CNOT6: variants seen among roughly 807,000 people sequenced by gnomAD.
CNOT6 encodes CCR4-NOT transcription complex subunit 6.
CNOT6 carries 12 observed loss-of-function variants against 61.2 expected under a neutral mutation model. That is an observed-to-expected ratio of 0.20 (90% CI 0.13 to 0.32). The LOEUF is 0.32. Ranked by LOEUF, CNOT6 falls within the 10% of genes least tolerant of loss-of-function variation. The pLI is 1.00. For missense variants in CNOT6, 405 were observed against 663.9 expected, an observed-to-expected ratio of 0.61 and a Z score of 4.28; for synonymous variants, 225 against 240.6, an observed-to-expected ratio of 0.94 and a Z score of 0.60.
At chr5:180,541,545 G>A (rs1184091822) in intron 2 of CNOT6, among the ~76,000 whole-genome samples, 10 of 135,810 alleles carry the variant, frequency 7.4e-5, no homozygotes, top group East Asian at 4.6e-4. Context: ...TCCGCCTCCC[G>A]GATTCACAGC....
In CNOT6 at chr5:180,501,760, A is replaced by G. The variant is rs115189554; in HGVS notation, c.-3+6997A>G. Among the ~76,000 whole-genome samples, 718 of 152,322 alleles carry G rather than the reference A, an allele frequency of 4.7e-3. 3 individuals carry two copies. The highest frequency in any genetic ancestry group is 0.017 in the African/African-American group (687 of 41,568). On this transcript the variant is annotated intron_variant, in intron 1 of 11. Coordinates refer to ENST00000261951, the MANE Select transcript of CNOT6 (RefSeq NM_001370472.1). Reference sequence around the variant, plus strand: ...ATATTTTGTTTTGGACAGCATTGAAATGGTTGAAGAGACAAGGGCAGAACA... The same window carrying G: ...ATATTTTGTTTTGGACAGCATTGAAGTGGTTGAAGAGACAAGGGCAGAACA...
At chr5:180,529,132 A>T in intron 1 of CNOT6, 143 bp from the exon 2 acceptor site, 3 of 620,464 alleles carry the variant, frequency 4.8e-6, no homozygotes, top group Non-Finnish European at 2.9e-6. Context: ...TTGCTTGAAG[A>T]GGTTGGAGTG....
intron 1 of CNOT6, among the ~76,000 whole-genome samples, chr5:180,528,943 GCTCA>G (rs1345382656): frequency 6.6e-6 from 1 of 152,080 alleles, no homozygotes; most frequent in African/African-American, 2.4e-5. Context: ...GGGCATGCTG[GCTCA>G]CTCCTGTAAT....
intron 4 of CNOT6, among the ~76,000 whole-genome samples, chr5:180,562,306 C>T (rs1760227833): frequency 6.6e-6 from 1 of 152,164 alleles, no homozygotes; most frequent in Non-Finnish European, 1.5e-5. Context: ...TCCATCTACC[C>T]TAAAGTAACT....
chr5:180,515,707 T>C (rs982331295), intron 1 of CNOT6, among the ~76,000 whole-genome samples: 1 of 152,072 alleles, frequency 6.6e-6, no homozygotes, highest in Non-Finnish European at 1.5e-5. Context: ...ACAGTAGCTC[T>C]AAGGAGCCTG....
chr5:180,508,386 A>C (rs1757227442), intron 1 of CNOT6, among the ~76,000 whole-genome samples: 1 of 151,892 alleles, frequency 6.6e-6, no homozygotes, highest in East Asian at 1.9e-4. Flanking sequence ...ATCTTGGCTC[A>C]CTGCAACTTC....
intron 1 of CNOT6, among the ~76,000 whole-genome samples, chr5:180,511,939 C>T (rs1019529448): frequency 6.6e-6 from 1 of 152,224 alleles, no homozygotes; most frequent in Admixed American, 6.5e-5. Flanking sequence ...TAACATATCA[C>T]TGTTTTCCTT....
At chr5:180,547,773 G>A (rs913360753) in intron 2 of CNOT6, among the ~76,000 whole-genome samples, 17 of 152,094 alleles carry the variant, frequency 1.1e-4, no homozygotes, top group African/African-American at 1.9e-4. Flanking sequence ...TCACTCTGTC[G>A]CCCAGACTGG....
chr5:180,548,020 C>CA (rs1408102194), intron 2 of CNOT6, among the ~76,000 whole-genome samples: 3 of 152,228 alleles, frequency 2.0e-5, no homozygotes, highest in Non-Finnish European at 4.4e-5. Context: ...AGGCATGAGC[C>CA]ACCGCATCCT....
At chr5:180,565,606 G>T (rs915164146) in intron 6 of CNOT6, among the ~76,000 whole-genome samples, 4 of 152,092 alleles carry the variant, frequency 2.6e-5, no homozygotes, top group African/African-American at 9.7e-5. Flanking sequence ...TCTGTAGCAG[G>T]TAGTACATTG....
At chr5:180,504,117 C>T (rs1757020533) in intron 1 of CNOT6, among the ~76,000 whole-genome samples, 1 of 152,150 alleles carries the variant, frequency 6.6e-6, no homozygotes, top group East Asian at 1.9e-4. Context: ...TCCCAAGAGT[C>T]CACATAAGAG....
At chr5:180,541,441 ATTTTTTTT>A (rs1163850404) in intron 2 of CNOT6, among the ~76,000 whole-genome samples, 46 of 106,538 alleles carry the variant, frequency 4.3e-4, no homozygotes, top group African/African-American at 1.4e-3. Context: ...TGGCCAAGAA[ATTTTTTTT>A]TTTTTTTTTT....
intron 1 of CNOT6, among the ~76,000 whole-genome samples, chr5:180,513,763 C>T (rs534673315): frequency 3.3e-5 from 5 of 151,366 alleles, no homozygotes; most frequent in African/African-American, 9.7e-5. Flanking sequence ...AGTGCAGTGG[C>T]GCGATCTCAG....
chr5:180,545,185 T>C (rs1301460306), intron 2 of CNOT6, among the ~76,000 whole-genome samples: 1 of 152,188 alleles, frequency 6.6e-6, no homozygotes, highest in South Asian at 2.1e-4. Flanking sequence ...ACATTCAAAA[T>C]TGGCGTGTAT....
intron 2 of CNOT6, among the ~76,000 whole-genome samples, chr5:180,546,146 G>A (rs1329289906): frequency 3.3e-5 from 5 of 151,784 alleles, no homozygotes; most frequent in East Asian, 1.9e-4. Flanking sequence ...CACCCGCCTC[G>A]GCCTCCCAAA....
At chr5:180,559,922 A>G (rs1298420640) in intron 4 of CNOT6, among the ~76,000 whole-genome samples, 1 of 151,820 alleles carries the variant, frequency 6.6e-6, no homozygotes, top group African/African-American at 2.4e-5. Flanking sequence ...TTTTCTTTAC[A>G]TAAATTTAGA....
intron 3 of CNOT6, among the ~76,000 whole-genome samples, chr5:180,552,515 A>T (rs7379383): frequency 4.6e-5 from 7 of 151,180 alleles, no homozygotes; most frequent in Non-Finnish European, 8.9e-5. Context: ...GTGTGGTGGC[A>T]GGCACCTGTA....
chr5:180,506,997 C>T (rs374131403), intron 1 of CNOT6, among the ~76,000 whole-genome samples: 5 of 152,146 alleles, frequency 3.3e-5, no homozygotes, highest in African/African-American at 1.2e-4. Context: ...CGAGGTTTAG[C>T]ATAGCTCAGA....
At chr5:180,512,076 T>C (rs1367633993) in intron 1 of CNOT6, among the ~76,000 whole-genome samples, 1 of 152,262 alleles carries the variant, frequency 6.6e-6, no homozygotes, top group Non-Finnish European at 1.5e-5. Flanking sequence ...AGACAGGATC[T>C]TTGGAAAGAT....
Sources: allele counts gnomAD v4.1 joint callset (sites outside exome capture counted in the v4.1 genomes callset), GRCh38; gene constraint gnomAD v4.1.1; transcripts MANE v1.5; gene names NCBI Gene and HGNC (gene_info 2026-07-23, HGNC 2026-07-21).